Variants in AFF2 observed in about 807,000 individuals in gnomAD.
AFF2 encodes the protein AF4/FMR2 family member 2.
AFF2 carries 14 observed loss-of-function variants against 76.9 expected under a neutral mutation model. That is an observed-to-expected ratio of 0.18 (90% CI 0.12 to 0.28). AFF2 has a LOEUF of 0.28. AFF2 is among the 10% of genes least tolerant of loss of function. The probability of loss-of-function intolerance (pLI) is 1.00; values close to 1 mark genes in which losing one functional copy is unlikely to be tolerated. For synonymous variants in AFF2, 398 were observed against 366.7 expected (o/e 1.09, Z -0.98); for missense variants, 868 against 1,001.1 (o/e 0.87, Z 1.79).
intron 9 of AFF2, among the ~76,000 whole-genome samples, chrX:148,935,793 T>C (rs564582202): frequency 9.0e-6 from 1 of 111,083 alleles, no homozygotes; most frequent in Admixed American, 9.6e-5. Context: ...GACTTCTGGC[T>C]GACAAAAGCA....
chrX:148,960,968 A>G (rs2072102210), intron 12 of AFF2, among the ~76,000 whole-genome samples: 1 of 112,076 alleles, frequency 8.9e-6, no homozygotes, highest in Admixed American at 9.5e-5. Context: ...GTCTTTCACC[A>G]AGAAAGTCCT....
chrX:148,601,406 A>C (rs2053625269), intron 1 of AFF2, among the ~76,000 whole-genome samples: 1 of 111,863 alleles, frequency 8.9e-6, no homozygotes, highest in African/African-American at 3.2e-5. Flanking sequence ...CATCTATGTA[A>C]ATCGTCAATG....
chrX:148,715,351 T>A (rs189235931), intron 3 of AFF2, among the ~76,000 whole-genome samples: 2 of 111,366 alleles, frequency 1.8e-5, no homozygotes, highest in Non-Finnish European at 1.9e-5. Context: ...GGGGAAGAAG[T>A]TCAGCAAGTA....
intron 1 of AFF2, among the ~76,000 whole-genome samples, chrX:148,550,559 C>A (rs1377197204): frequency 9.0e-6 from 1 of 111,474 alleles, no homozygotes; most frequent in Non-Finnish European, 1.9e-5. Flanking sequence ...AAATCATATA[C>A]AAATGCTCCC....
At chrX:148,627,616 A>T (rs2053939368) in intron 1 of AFF2, among the ~76,000 whole-genome samples, 1 of 112,241 alleles carries the variant, frequency 8.9e-6, no homozygotes, top group Admixed American at 9.4e-5. Flanking sequence ...GAAGGACTGG[A>T]TTCTGAAGGT....
intron 3 of AFF2, among the ~76,000 whole-genome samples, chrX:148,776,980 C>T (rs782314204): frequency 2.8e-4 from 31 of 111,605 alleles, no homozygotes; most frequent in African/African-American, 6.8e-4. Flanking sequence ...AGGGTTTTTA[C>T]GGTTTTAGTT....
chrX:148,581,192 C>CACATACGTATACGTATACACACATATATA (rs2053372531), intron 1 of AFF2, among the ~76,000 whole-genome samples: 1 of 66,120 alleles, frequency 1.5e-5, no homozygotes. Flanking sequence ...CACACATATA[C>CACATACGTATACGTATACACACATATATA]ATATACGTAT....
intron 8 of AFF2, among the ~76,000 whole-genome samples, chrX:148,892,574 A>T (rs782008777): frequency 8.1e-5 from 9 of 110,888 alleles, no homozygotes; most frequent in Admixed American, 4.8e-4. Context: ...CAGCTTTGGG[A>T]TGTGTTCCTG....
intron 1 of AFF2, among the ~76,000 whole-genome samples, chrX:148,507,296 GC>G (rs2052431015): frequency 8.9e-6 from 1 of 112,139 alleles, no homozygotes; most frequent in Non-Finnish European, 1.9e-5. Context: ...ATAGGAAAAG[GC>G]AAAAATAGTA....
At chrX:148,682,666 T>C (rs1274950718) in intron 3 of AFF2, among the ~76,000 whole-genome samples, 2 of 111,806 alleles carry the variant, frequency 1.8e-5, no homozygotes, top group Non-Finnish European at 3.8e-5. Flanking sequence ...GTTTAGGATC[T>C]ACATAATGGC....
intron 2 of AFF2, among the ~76,000 whole-genome samples, chrX:148,657,679 A>T (rs1052199719): frequency 1.8e-5 from 2 of 112,484 alleles, no homozygotes; most frequent in Non-Finnish European, 3.7e-5. Context: ...CTGATGATAG[A>T]GAAATTGTGA....
At chrX:148,937,996 C>G (rs962700278) in intron 9 of AFF2, among the ~76,000 whole-genome samples, 1 of 112,206 alleles carries the variant, frequency 8.9e-6, no homozygotes, top group Non-Finnish European at 1.9e-5. Flanking sequence ...AATACACCGT[C>G]TTTTTATTAT....
chrX:148,687,333 C>A (rs1446484640), intron 3 of AFF2, among the ~76,000 whole-genome samples: 3 of 111,532 alleles, frequency 2.7e-5, no homozygotes, highest in Non-Finnish European at 3.8e-5. Flanking sequence ...TTTTAGATGT[C>A]CAAAAAATAA....
chrX:148,809,706 C>T (rs1486276798), intron 3 of AFF2, among the ~76,000 whole-genome samples, 170 bp from the exon 4 acceptor site: 5 of 111,630 alleles, frequency 4.5e-5, no homozygotes, highest in East Asian at 2.8e-4. Flanking sequence ...GCGATCTTAC[C>T]GCTTCATTAA....
intron 8 of AFF2, among the ~76,000 whole-genome samples, chrX:148,903,048 G>C (rs1557281047): frequency 9.1e-6 from 1 of 109,490 alleles, no homozygotes; most frequent in African/African-American, 3.3e-5. Flanking sequence ...TGCTAAAAGT[G>C]GTTGCCTCTG....
intron 3 of AFF2, among the ~76,000 whole-genome samples, chrX:148,669,849 A>G (rs189502300): frequency 5.4e-5 from 6 of 111,609 alleles, no homozygotes; most frequent in Admixed American, 3.8e-4. Context: ...TTCCAAACCC[A>G]TCAAAATGAA....
At chrX:148,906,163 T>TCCACAG (rs781876805) in intron 9 of AFF2, among the ~76,000 whole-genome samples, 1,383 of 111,983 alleles carry the variant, frequency 0.012, 25 homozygotes, top group African/African-American at 0.043. Context: ...AAACAAAAAC[T>TCCACAG]CCACAGCAGG....
chrX:148,549,776 C>T (rs2052969433), intron 1 of AFF2, among the ~76,000 whole-genome samples: 2 of 111,782 alleles, frequency 1.8e-5, no homozygotes, highest in African/African-American at 3.3e-5. Flanking sequence ...TTTGACCACT[C>T]TTTGCTCTTC....
intron 3 of AFF2, among the ~76,000 whole-genome samples, chrX:148,729,853 G>A (rs1220631348): frequency 9.0e-6 from 1 of 111,554 alleles, no homozygotes; most frequent in Non-Finnish European, 1.9e-5. Context: ...ACTTTGCTAT[G>A]CCTATGTCAC....
Sources: allele counts gnomAD v4.1 joint callset (sites outside exome capture counted in the v4.1 genomes callset), GRCh38; gene constraint gnomAD v4.1.1; transcripts MANE v1.5; gene names NCBI Gene and HGNC (gene_info 2026-07-23, HGNC 2026-07-21).